Variants in C16orf96 observed in about 807,000 individuals in gnomAD.
The protein encoded by C16orf96 is uncharacterized protein C16orf96.
C16orf96 carries 108 observed loss-of-function variants against 103.6 expected under a neutral mutation model. The ratio of observed to expected loss-of-function variants is 1.04; its 90% CI spans 0.89 to 1.22. The LOEUF (loss-of-function observed/expected upper bound fraction) is 1.22. Among genes scored for constraint, C16orf96 ranks in the 50% most tolerant of loss-of-function variants. C16orf96 has a pLI of 0.00. For synonymous variants in C16orf96, 566 were observed against 593.5 expected (o/e 0.95, Z 0.67); for missense variants, 1,586 against 1,464.2 (o/e 1.08, Z -1.36).
chr16:4,582,179 G>A (rs1190251545), intron 7 of C16orf96, among the ~76,000 whole-genome samples: 1 of 152,060 alleles, frequency 6.6e-6, no homozygotes, highest in Non-Finnish European at 1.5e-5. Context: ...CTACTCGGGT[G>A]GCTGAGGCAG....
chr16:4,573,648 A>G (rs183704085), intron 2 of C16orf96, among the ~76,000 whole-genome samples: 1 of 148,368 alleles, frequency 6.7e-6, no homozygotes, highest in East Asian at 2.1e-4. Flanking sequence ...GTTACTCAGG[A>G]GGCTGAGGCA....
At position 4,593,347 on chromosome 16, in the gene C16orf96, C is replaced by T. The variant is rs899300983; in HGVS notation, c.2867+31C>T. 59 of 1,538,962 alleles carry T rather than the reference C, an allele frequency of 3.8e-5. 1 individual carries two copies. The Admixed American group carries it at 4.5e-4, about 12-fold the overall frequency. ...CAGGATGGGCGCCCCGCAGGGAGGC[C>T]GCCCCGCATGGAGGCCACTCTGGAG... On this transcript the variant is annotated intron_variant, in intron 12 of 15. Transcript: ENST00000444310. The surrounding 1 kb of genome is among the most constrained non-coding windows in gnomAD (Gnocchi z 4.2).
intron 2 of C16orf96, among the ~76,000 whole-genome samples, chr16:4,573,162 G>T (rs1313432831): frequency 6.6e-6 from 1 of 152,120 alleles, no homozygotes; most frequent in Admixed American, 6.6e-5. Context: ...TCTCGGCGGG[G>T]CCTGGTGTCT....
the C16orf96 span, among the ~76,000 whole-genome samples, chr16:4,549,207 G>A: frequency 6.6e-6 from 1 of 152,094 alleles, no homozygotes. Flanking sequence ...GGGCGCGGTG[G>A]CTCACGCCTG....
chr16:4,549,290 C>G, the C16orf96 span, among the ~76,000 whole-genome samples: 1 of 151,792 alleles, frequency 6.6e-6, no homozygotes, highest in Non-Finnish European at 1.5e-5. Flanking sequence ...CAGGCTAACA[C>G]GTTGAAACCC....
At chr16:4,569,368 C>T (rs2059413148) in intron 1 of C16orf96, among the ~76,000 whole-genome samples, 1 of 152,136 alleles carries the variant, frequency 6.6e-6, no homozygotes, top group South Asian at 2.1e-4. Flanking sequence ...CTGAGTACCC[C>T]CATTTTTCTA....
chr16:4,590,674 G>A (rs1897036578), intron 9 of C16orf96, among the ~76,000 whole-genome samples: 2 of 151,280 alleles, frequency 1.3e-5, no homozygotes. Flanking sequence ...CATGAAGTCA[G>A]GAGTTTGAGA....
the C16orf96 span, among the ~76,000 whole-genome samples, chr16:4,539,337 C>T: frequency 6.6e-6 from 1 of 152,188 alleles, no homozygotes; most frequent in East Asian, 1.9e-4. Context: ...CCCCTTGTTG[C>T]CTGAGAACCA....
chr16:4,600,453 C>T lies in C16orf96; in HGVS notation c.*136C>T. The T allele has an allele frequency of 3.4e-6, 2 of 583,722 alleles. No individual in the cohort carries two copies. The highest frequency in any genetic ancestry group is 6.0e-6 in the Non-Finnish European group (2 of 332,338). The allele number at this position is 583,722 out of a possible 1,614,324, so 36.2% of individuals were successfully genotyped here. ...ATGTGGCCCCCCACCCCCACCCCCA[C>T]CAAGTCCCCTCCATGTCCGAGGCTG... On this transcript the variant is annotated 3_prime_UTR_variant, in exon 16 of 16. Transcript: ENST00000444310.
intron 7 of C16orf96, among the ~76,000 whole-genome samples, chr16:4,580,722 C>T (rs1024885160): frequency 3.3e-5 from 5 of 151,982 alleles, no homozygotes; most frequent in Admixed American, 3.3e-4. Context: ...CGCGGTGGTT[C>T]ACGCCTATAA....
intron 15 of C16orf96, 92 bp downstream of exon 15, chr16:4,599,456 G>A: frequency 8.9e-7 from 1 of 1,123,826 alleles, no homozygotes; most frequent in Non-Finnish European, 1.3e-6. Flanking sequence ...CACCCCGCCT[G>A]GGCTCTCCTG....
intron 14 of C16orf96, among the ~76,000 whole-genome samples, chr16:4,595,770 G>C (rs1308948479): frequency 6.6e-6 from 1 of 151,944 alleles, no homozygotes; most frequent in East Asian, 1.9e-4. Context: ...GCAGTGGTGC[G>C]ATCTCGGTTC....
intron 5 of C16orf96, among the ~76,000 whole-genome samples, chr16:4,577,116 A>G (rs926153518): frequency 1.3e-5 from 2 of 152,036 alleles, no homozygotes; most frequent in African/African-American, 4.8e-5. Flanking sequence ...GCTTGAACCC[A>G]GGAGGCAGAG....
At chr16:4,551,997 G>T (rs909824027), upstream of C16orf96, among the ~76,000 whole-genome samples, 2 of 152,040 alleles carry the variant, frequency 1.3e-5, no homozygotes, top group Non-Finnish European at 2.9e-5. Context: ...CCACTTATGA[G>T]TGAGAATATG....
intron 5 of C16orf96, among the ~76,000 whole-genome samples, chr16:4,578,450 T>A (rs976411527): frequency 2.5e-4 from 38 of 149,064 alleles, no homozygotes; most frequent in East Asian, 9.8e-4. Context: ...ATAAAAAAAA[T>A]TTTTTTTAAT....
rs369340176 is a variant in C16orf96 at position 4,575,889 on chromosome 16, G to A, written c.1409G>A (p.Arg470Gln). 2.7e-5 allele frequency: 42 copies of A among 1,551,532 alleles called. No individual in the cohort carries two copies. The highest frequency in any genetic ancestry group is 9.8e-5 in the East Asian group (4 of 40,902). ...GATGTCCCCAGCCTAAGGGGCCTTCGGGAGAGGGCCCGCAAGGATGGGGCC... is the reference window on the plus strand; with the variant it reads ...GATGTCCCCAGCCTAAGGGGCCTTCAGGAGAGGGCCCGCAAGGATGGGGCC... Reference protein sequence around the residue: ...ENDVPSLRGLRERARKDGAPK... With the variant: ...ENDVPSLRGLQERARKDGAPK... Residue 470 changes from arginine to glutamine, a missense_variant, in exon 5 of 16, where the codon CGG (arginine) becomes CAG (glutamine). Transcript: ENST00000444310.
intron 7 of C16orf96, among the ~76,000 whole-genome samples, chr16:4,584,765 C>T (rs1300159828): frequency 2.0e-5 from 3 of 151,982 alleles, no homozygotes; most frequent in African/African-American, 7.2e-5. Context: ...AACTCCTGAC[C>T]TCAGGTGATT....
intron 10 of C16orf96, 135 bp from the exon 11 acceptor site, chr16:4,592,170 C>A: frequency 9.7e-7 from 1 of 1,036,244 alleles, no homozygotes; most frequent in South Asian, 1.4e-5. Flanking sequence ...TGGTTGGAGA[C>A]TGCAGGGCCT....
intron 9 of C16orf96, among the ~76,000 whole-genome samples, chr16:4,588,638 G>A (rs1896984988): frequency 6.7e-6 from 1 of 149,840 alleles, no homozygotes; most frequent in Non-Finnish European, 1.5e-5. Flanking sequence ...GAGTCCTCAT[G>A]ACATTGCAGC....
Sources: gnomAD v4.1 joint callset for allele counts (sites outside exome capture counted in the v4.1 genomes callset) on GRCh38, gnomAD v4.1.1 for gene constraint, Gnocchi (gnomAD v3.1) non-coding constraint, MANE v1.5 for transcripts, NCBI Gene and HGNC (gene_info 2026-07-23, HGNC 2026-07-21) for gene names.